Variants in FOXN3 observed in about 807,000 individuals in gnomAD.
FOXN3 encodes forkhead box N3, also known as forkhead box protein N3.
In FOXN3, 7 loss-of-function variants were observed where a neutral mutation model predicts 38.4. The observed-to-expected ratio is 0.18, with a 90% CI of 0.10 to 0.34. The LOEUF (loss-of-function observed/expected upper bound fraction) is 0.34, where lower values mean the gene tolerates loss of function less well. FOXN3 is among the 10% of genes least tolerant of loss of function. The pLI is 1.00. For synonymous variants in FOXN3, 230 were observed against 242.2 expected, an observed-to-expected ratio of 0.95 and a Z score of 0.47; for missense variants, 456 against 613.4, an observed-to-expected ratio of 0.74 and a Z score of 2.71.
At chr14:89,306,729 CA>C (rs1172316671) in intron 3 of FOXN3, among the ~76,000 whole-genome samples, 4 of 152,144 alleles carry the variant, frequency 2.6e-5, no homozygotes, top group African/African-American at 9.7e-5. Flanking sequence ...ATTCTGACTA[CA>C]AAGTCAGAAC....
intron 1 of FOXN3, chr14:89,493,900 GAT>G (rs1893630020): frequency 6.7e-6 from 1 of 148,868 alleles, no homozygotes; most frequent in Non-Finnish European, 1.5e-5. Flanking sequence ...ATCCTTCTTT[GAT>G]ATGTCATCTG....
chr14:89,317,093 G>C (rs1390341143), intron 3 of FOXN3, among the ~76,000 whole-genome samples: 1 of 152,212 alleles, frequency 6.6e-6, no homozygotes, highest in East Asian at 1.9e-4. Flanking sequence ...TTGGCTTCAA[G>C]ATGTAGTTTG....
chr14:89,283,426 T>TC (rs1292757337), intron 3 of FOXN3, among the ~76,000 whole-genome samples: 1 of 152,026 alleles, frequency 6.6e-6, no homozygotes, highest in South Asian at 2.1e-4. Context: ...CTTGATTTTT[T>TC]CCCCCCTCCA....
At chr14:89,208,622 C>A (rs1888446379) in intron 4 of FOXN3, among the ~76,000 whole-genome samples, 1 of 152,150 alleles carries the variant, frequency 6.6e-6, no homozygotes, top group Non-Finnish European at 1.5e-5. Flanking sequence ...AGCAATATCT[C>A]GAGCTCCTAC....
intron 1 of FOXN3, among the ~76,000 whole-genome samples, chr14:89,472,193 T>C (rs1893108108): frequency 6.7e-6 from 1 of 150,234 alleles, no homozygotes; most frequent in Admixed American, 6.6e-5. Flanking sequence ...AGGCGGAGGT[T>C]GCGGTGAGCT....
intron 4 of FOXN3, among the ~76,000 whole-genome samples, chr14:89,227,122 C>T (rs1320620238): frequency 6.6e-6 from 1 of 152,188 alleles, no homozygotes; most frequent in Admixed American, 6.5e-5. Context: ...CAACTCATTC[C>T]ATTTCAGGCT....
intron 2 of FOXN3, among the ~76,000 whole-genome samples, chr14:89,384,514 T>C (rs887004378): frequency 6.6e-6 from 1 of 152,204 alleles, no homozygotes; most frequent in Non-Finnish European, 1.5e-5. Context: ...CTTTCATTCA[T>C]ATAACATGGT....
chr14:89,381,532 C>CAAAAAAAAAAAAAAAAAAAAAAAAAAAA (rs71897384), intron 2 of FOXN3, among the ~76,000 whole-genome samples: 1 of 75,938 alleles, frequency 1.3e-5, no homozygotes, highest in Non-Finnish European at 2.4e-5. Flanking sequence ...CCTCAAAAAG[C>CAAAAAAAAAAAAAAAAAAAAAAAAAAAA]AAAAAAAAAA....
Position 89,160,693 on chromosome 14 carries a change from T to G in FOXN3, c.*1721A>C, listed in dbSNP as rs1310719965. ...ACAGACAGAGAGAAAGGACACACTTTTCAACAGAGAATCAGAGGGGGTCGG... is the reference window on the plus strand; with the variant it reads ...ACAGACAGAGAGAAAGGACACACTTGTCAACAGAGAATCAGAGGGGGTCGG... On this transcript the variant is annotated 3_prime_UTR_variant, in exon 6 of 6. Transcript: ENST00000557258. 2 of 152,626 alleles carry G rather than the reference T, an allele frequency of 1.3e-5. No homozygotes were observed. The highest frequency in any genetic ancestry group is 4.8e-5 in the African/African-American group (2 of 41,412). The allele number at this position is 152,626 out of a possible 1,614,324, so 9.5% of individuals were successfully genotyped here.
intron 4 of FOXN3, among the ~76,000 whole-genome samples, chr14:89,234,819 C>T (rs1884933439): frequency 6.6e-6 from 1 of 152,124 alleles, no homozygotes; most frequent in Non-Finnish European, 1.5e-5. Flanking sequence ...ATTGTGCTTA[C>T]CCTGAACATG....
intron 4 of FOXN3, among the ~76,000 whole-genome samples, chr14:89,181,774 T>C (rs1160737322): frequency 1.3e-5 from 2 of 152,234 alleles, no homozygotes; most frequent in Non-Finnish European, 2.9e-5. Context: ...CAAACAGCAA[T>C]TTCATCTGGT....
Position 89,204,830 on chromosome 14 carries a change from G to A in FOXN3, c.746-24024C>T, listed in dbSNP as rs996818539. Reference sequence around the variant, plus strand: ...TCCATCCATCCATCCATCCATCCATGCATTCATGCATCCATCCATCCATCC... The same window carrying A: ...TCCATCCATCCATCCATCCATCCATACATTCATGCATCCATCCATCCATCC... On this transcript the variant is annotated intron_variant, in intron 4 of 5. Coordinates refer to ENST00000557258, the MANE Select transcript of FOXN3 (RefSeq NM_005197.4). Among the ~76,000 whole-genome samples the A allele has an allele frequency of 2.1e-5, 3 of 139,798 alleles. No individual in the cohort carries two copies. In the South Asian group the frequency reaches 6.6e-4, roughly 31 times the overall value. 91.7% of individuals were successfully genotyped at this position (139,798 alleles called of 152,430 possible).
At chr14:89,169,526 CACTCACAAA>C (rs761948047) in intron 5 of FOXN3, among the ~76,000 whole-genome samples, 2 of 148,930 alleles carry the variant, frequency 1.3e-5, no homozygotes, top group South Asian at 2.2e-4. Context: ...CACACACACA[CACTCACAAA>C]ACACACACAC....
chr14:89,395,743 CTATT>C (rs1177001991), intron 2 of FOXN3, among the ~76,000 whole-genome samples: 9 of 151,972 alleles, frequency 5.9e-5, no homozygotes, highest in Non-Finnish European at 4.4e-5. Flanking sequence ...TACCTTATTA[CTATT>C]TATTAATATT....
intron 2 of FOXN3, among the ~76,000 whole-genome samples, chr14:89,403,851 G>A (rs933722103): frequency 3.9e-5 from 6 of 152,208 alleles, no homozygotes; most frequent in South Asian, 2.1e-4. Flanking sequence ...CCAAGTCACT[G>A]TGAGGAGTAG....
At chr14:89,438,366 G>C (rs1236990217) in intron 1 of FOXN3, among the ~76,000 whole-genome samples, 2 of 152,172 alleles carry the variant, frequency 1.3e-5, no homozygotes, top group South Asian at 4.1e-4. Context: ...GAAACTTAAG[G>C]TTTTCCCAAA....
chr14:89,269,248 C>A (rs779393259), intron 4 of FOXN3, among the ~76,000 whole-genome samples: 6 of 152,130 alleles, frequency 3.9e-5, no homozygotes, highest in Non-Finnish European at 7.4e-5. Flanking sequence ...GAGGGGCCAA[C>A]CAGTGTATGC....
At chr14:89,386,587 G>GGCTCAATCAAT (rs1169618734) in intron 2 of FOXN3, among the ~76,000 whole-genome samples, 1 of 152,154 alleles carries the variant, frequency 6.6e-6, no homozygotes, top group Non-Finnish European at 1.5e-5. Flanking sequence ...ACCTAACAAG[G>GGCTCAATCAAT]GCTCAATCAA....
At chr14:89,602,502 C>A (rs1451845110) in intron 1 of FOXN3, among the ~76,000 whole-genome samples, 1 of 150,664 alleles carries the variant, frequency 6.6e-6, no homozygotes, top group African/African-American at 2.4e-5. Flanking sequence ...TCTTTTTTTT[C>A]TTTTTTTCTT....
Sources: gnomAD v4.1 joint callset for allele counts (sites outside exome capture counted in the v4.1 genomes callset) on GRCh38, gnomAD v4.1.1 for gene constraint, MANE v1.5 for transcripts, NCBI Gene and HGNC (gene_info 2026-07-23, HGNC 2026-07-21) for gene names.